WWOX: variants seen among roughly 807,000 people sequenced by gnomAD.
The protein encoded by WWOX is WW domain containing oxidoreductase.
A neutral mutation model predicts 46.2 loss-of-function variants in WWOX; 69 were observed. The observed-to-expected ratio is 1.49, with a 90% confidence interval of 1.23 to 1.82. The LOEUF (loss-of-function observed/expected upper bound fraction) is 1.82, where lower values mean the gene tolerates loss of function less well. Ranked by LOEUF, WWOX falls within the 40% of genes most tolerant of loss-of-function variation. WWOX has a pLI of 0.00. For synonymous variants in WWOX, 359 were observed against 202.6 expected (o/e 1.77, Z -6.56); for missense variants, 919 against 542.6 (o/e 1.69, Z -6.89).
intron 8 of WWOX, among the ~76,000 whole-genome samples, chr16:79,093,293 A>G (rs1421103934): frequency 2.6e-5 from 4 of 152,218 alleles, no homozygotes; most frequent in Non-Finnish European, 5.9e-5. Context: ...ATACCTGTCT[A>G]TTAATACTGA....
chr16:78,781,654 G>A (rs2050328766), intron 8 of WWOX, among the ~76,000 whole-genome samples: 1 of 152,124 alleles, frequency 6.6e-6, no homozygotes, highest in Admixed American at 6.6e-5. Context: ...GGGCTTGGTG[G>A]CTCATGCCTC....
intron 5 of WWOX, among the ~76,000 whole-genome samples, chr16:78,310,565 G>A (rs1365126580): frequency 6.6e-6 from 1 of 152,196 alleles, no homozygotes; most frequent in East Asian, 1.9e-4. Context: ...TCACCAGAAT[G>A]CATGCCACCC....
At chr16:79,099,316 G>A (rs1344758620) in intron 8 of WWOX, among the ~76,000 whole-genome samples, 1 of 152,160 alleles carries the variant, frequency 6.6e-6, no homozygotes, top group East Asian at 1.9e-4. Context: ...AAACCATAGT[G>A]ACTATGATAT....
intron 8 of WWOX, among the ~76,000 whole-genome samples, chr16:79,188,654 C>T (rs1473448497): frequency 6.6e-6 from 1 of 152,206 alleles, no homozygotes; most frequent in African/African-American, 2.4e-5. Context: ...GATCTGCAGA[C>T]CTCTTGGTTG....
At chr16:78,987,391 A>C (rs914659123) in intron 8 of WWOX, among the ~76,000 whole-genome samples, 3 of 152,216 alleles carry the variant, frequency 2.0e-5, no homozygotes, top group African/African-American at 7.2e-5. Context: ...TAGCAAAGGC[A>C]GGATTTTTCA....
chr16:78,360,002 C>T (rs1045196866), intron 5 of WWOX, among the ~76,000 whole-genome samples: 1 of 152,110 alleles, frequency 6.6e-6, no homozygotes, highest in Non-Finnish European at 1.5e-5. Context: ...CTTAGCAGTT[C>T]TCAGAATTTT....
chr16:78,323,466 G>A (rs1386251717), intron 5 of WWOX, among the ~76,000 whole-genome samples: 1 of 151,744 alleles, frequency 6.6e-6, no homozygotes, highest in Admixed American at 6.6e-5. Context: ...ATGATAAATT[G>A]TTATCAGGAG....
chr16:78,994,890 A>G (rs2046956381), intron 8 of WWOX, among the ~76,000 whole-genome samples: 1 of 151,612 alleles, frequency 6.6e-6, no homozygotes, highest in South Asian at 2.1e-4. Flanking sequence ...AGGTGGAAAG[A>G]AATACTCCCT....
chr16:78,787,563 C>A (rs949212949), intron 8 of WWOX, among the ~76,000 whole-genome samples: 10 of 152,210 alleles, frequency 6.6e-5, no homozygotes, highest in African/African-American at 2.2e-4. Context: ...TATCCATTTG[C>A]CAGTGGGTGG....
At chr16:78,717,140 C>G (rs1398860409) in intron 8 of WWOX, among the ~76,000 whole-genome samples, 3 of 152,186 alleles carry the variant, frequency 2.0e-5, no homozygotes, top group Non-Finnish European at 4.4e-5. Flanking sequence ...AACAGAGGTG[C>G]TCTGTGTAAA....
intron 8 of WWOX, among the ~76,000 whole-genome samples, chr16:79,147,031 A>C (rs987000259): frequency 6.6e-6 from 1 of 152,212 alleles, no homozygotes; most frequent in African/African-American, 2.4e-5. Flanking sequence ...CAATTGTGCA[A>C]TATCACAGTG....
intron 8 of WWOX, among the ~76,000 whole-genome samples, chr16:79,000,152 C>T (rs150020020): frequency 8.5e-4 from 130 of 152,294 alleles, no homozygotes; most frequent in Middle Eastern, 6.8e-3. Flanking sequence ...ACATTTAACA[C>T]CATCTCCCTG....
chr16:78,921,127 GA>G (rs1196068114), intron 8 of WWOX, among the ~76,000 whole-genome samples: 1 of 152,072 alleles, frequency 6.6e-6, no homozygotes, highest in African/African-American at 2.4e-5. Context: ...ACATCTTTTT[GA>G]AGAATGGCGC....
chr16:79,171,030 G>C (rs1273939453), intron 8 of WWOX, among the ~76,000 whole-genome samples: 1 of 152,204 alleles, frequency 6.6e-6, no homozygotes, highest in African/African-American at 2.4e-5. Flanking sequence ...CAAAGGATTA[G>C]TCAGCCTAGA....
intron 8 of WWOX, among the ~76,000 whole-genome samples, chr16:78,850,182 C>T (rs750837432): frequency 2.0e-5 from 3 of 151,692 alleles, no homozygotes; most frequent in African/African-American, 7.3e-5. Flanking sequence ...GTGTAAAATA[C>T]CAAAGAGAAA....
chr16:78,799,520 A>G (rs1408831880), intron 8 of WWOX, among the ~76,000 whole-genome samples: 1 of 152,142 alleles, frequency 6.6e-6, no homozygotes, highest in Non-Finnish European at 1.5e-5. Flanking sequence ...ATCACATGTC[A>G]TTTTAGACCC....
intron 8 of WWOX, among the ~76,000 whole-genome samples, chr16:78,751,906 C>G (rs1049464540): frequency 1.3e-5 from 2 of 151,958 alleles, no homozygotes; most frequent in Admixed American, 6.6e-5. Flanking sequence ...GAGTGGTCAC[C>G]CAGATGAAAA....
rs190079398 is a variant in WWOX at position 78,678,658 on chromosome 16, G to C, written c.1056+245906G>C. On this transcript the variant is annotated intron_variant, in intron 8 of 8. Transcript: ENST00000566780. ...AAAACACATGGAGTCTTGGAGGGTA[G>C]GGAAGTCTTGATGAGTAAGATTGGG... Among the ~76,000 whole-genome samples the C allele has an allele frequency of 2.6e-5, 4 of 152,286 alleles. No homozygotes were observed. The East Asian group carries it at 5.8e-4, about 22-fold the overall frequency.
chr16:78,745,273 C>G (rs2049322070), intron 8 of WWOX, among the ~76,000 whole-genome samples: 1 of 152,206 alleles, frequency 6.6e-6, no homozygotes. Context: ...TTTCAGCAAG[C>G]TTTTGGCTGA....
Sources: gnomAD v4.1 joint callset for allele counts (sites outside exome capture counted in the v4.1 genomes callset) on GRCh38, gnomAD v4.1.1 for gene constraint, MANE v1.5 for transcripts, NCBI Gene and HGNC (gene_info 2026-07-23, HGNC 2026-07-21) for gene names.